Variants in BTBD9 observed in about 807,000 individuals in gnomAD.
BTBD9 encodes BTB domain containing 9, also known as BTB/POZ domain-containing protein 9.
Under a neutral mutation model 64.3 loss-of-function variants are expected in BTBD9, and 49 were observed. The ratio of observed to expected loss-of-function variants is 0.76; its 90% CI spans 0.61 to 0.97. The LOEUF (loss-of-function observed/expected upper bound fraction) is 0.97. Among genes scored for constraint, BTBD9 ranks in the 50% least tolerant of loss-of-function variants. BTBD9 has a pLI of 0.00. For synonymous variants in BTBD9, 260 were observed against 274.7 expected (o/e 0.95, Z 0.53); for missense variants, 598 against 762.1 (o/e 0.78, Z 2.53).
chr6:38,392,556 C>T (rs1040064774), intron 6 of BTBD9, among the ~76,000 whole-genome samples: 2 of 152,184 alleles, frequency 1.3e-5, no homozygotes, highest in Admixed American at 6.5e-5. Flanking sequence ...CATAAGCTAT[C>T]CCACTGAACC....
intron 9 of BTBD9, among the ~76,000 whole-genome samples, chr6:38,238,630 G>A (rs1385534062): frequency 6.6e-6 from 1 of 151,806 alleles, no homozygotes; most frequent in Non-Finnish European, 1.5e-5. Context: ...CCACCACCAC[G>A]CCCAGCTAAT....
rs577406875 is a variant in BTBD9 at position 38,638,036 on chromosome 6, G to A, written c.-28+1764C>T. Among the ~76,000 whole-genome samples, 7 of 152,244 alleles carry A rather than the reference G, an allele frequency of 4.6e-5. No homozygotes were observed. The South Asian group carries it at 1.5e-3, about 32-fold the overall frequency. On this transcript the variant is annotated intron_variant, in intron 1 of 10. Coordinates refer to ENST00000481247, the MANE Select transcript of BTBD9 (RefSeq NM_001099272.2). ...GCTCCAGTTACCAGACATAAAAGTC[G>A]TCTTGGTATATCCTCCAACAACCAA...
At chr6:38,414,146 C>T (rs1767561234) in intron 6 of BTBD9, among the ~76,000 whole-genome samples, 2 of 152,184 alleles carry the variant, frequency 1.3e-5, no homozygotes, top group African/African-American at 4.8e-5. Flanking sequence ...CTAAAAGAGA[C>T]TGAACTGACA....
At chr6:38,561,203 G>C (rs1775248307) in intron 6 of BTBD9, among the ~76,000 whole-genome samples, 2 of 152,158 alleles carry the variant, frequency 1.3e-5, no homozygotes, top group Admixed American at 6.5e-5. Context: ...CCCACTAGCA[G>C]TGTATAAGTG....
chr6:38,494,303 C>A (rs780875422), intron 6 of BTBD9, among the ~76,000 whole-genome samples: 1 of 152,108 alleles, frequency 6.6e-6, no homozygotes, highest in African/African-American at 2.4e-5. Flanking sequence ...TTTTCTATTG[C>A]CAAATTTCCC....
chr6:38,518,325 C>A (rs1773132270), intron 6 of BTBD9, among the ~76,000 whole-genome samples: 1 of 152,182 alleles, frequency 6.6e-6, no homozygotes, highest in Non-Finnish European at 1.5e-5. Flanking sequence ...AGGAGGAATG[C>A]CCTTTACAGG....
chr6:38,465,707 T>TATATATATA (rs1491184653), intron 6 of BTBD9, among the ~76,000 whole-genome samples: 2 of 46,862 alleles, frequency 4.3e-5, no homozygotes, highest in African/African-American at 1.9e-4. Flanking sequence ...AATAAATAAA[T>TATATATATA]TATATATATA....
At chr6:38,461,427 TA>T (rs1351701839) in intron 6 of BTBD9, among the ~76,000 whole-genome samples, 4 of 152,232 alleles carry the variant, frequency 2.6e-5, no homozygotes, top group African/African-American at 4.8e-5. Context: ...CAGTATGTAT[TA>T]TTTTTTGTTT....
chr6:38,328,974 G>A (rs1430242764), intron 7 of BTBD9, among the ~76,000 whole-genome samples: 1 of 54,272 alleles, frequency 1.8e-5, no homozygotes, highest in Non-Finnish European at 4.3e-5. Context: ...AAATATGTGT[G>A]TGTGTGTGTG....
At chr6:38,535,996 G>A (rs1180667430) in intron 6 of BTBD9, among the ~76,000 whole-genome samples, 1 of 151,976 alleles carries the variant, frequency 6.6e-6, no homozygotes, top group Non-Finnish European at 1.5e-5. Context: ...GGATAAATGG[G>A]ATCATATCAA....
chr6:38,533,854 C>T (rs560232840), intron 6 of BTBD9, among the ~76,000 whole-genome samples: 1 of 151,910 alleles, frequency 6.6e-6, no homozygotes, highest in African/African-American at 2.4e-5. Flanking sequence ...AATGAAAACA[C>T]AACATACCAA....
chr6:38,506,533 A>G (rs1772524968), intron 6 of BTBD9, among the ~76,000 whole-genome samples: 1 of 152,216 alleles, frequency 6.6e-6, no homozygotes. Flanking sequence ...GAAAAGATGA[A>G]AATTCAAAAG....
At chr6:38,410,651 C>T (rs1767383717) in intron 6 of BTBD9, among the ~76,000 whole-genome samples, 1 of 152,066 alleles carries the variant, frequency 6.6e-6, no homozygotes, top group South Asian at 2.1e-4. Flanking sequence ...CATGTAACAC[C>T]TATGAATTAA....
intron 1 of BTBD9, among the ~76,000 whole-genome samples, chr6:38,628,578 G>A (rs1778250473): frequency 6.6e-6 from 1 of 152,172 alleles, no homozygotes; most frequent in Middle Eastern, 3.2e-3. Context: ...CGCAGTGTAG[G>A]GTTGAAACTG....
At chr6:38,612,304 T>G (rs1777639264) in intron 1 of BTBD9, among the ~76,000 whole-genome samples, 1 of 152,204 alleles carries the variant, frequency 6.6e-6, no homozygotes, top group Non-Finnish European at 1.5e-5. Flanking sequence ...TCAACTAATA[T>G]TCAAGCCAAC....
chr6:38,321,493 C>T (rs980006844), intron 7 of BTBD9, among the ~76,000 whole-genome samples: 1 of 152,164 alleles, frequency 6.6e-6, no homozygotes, highest in Non-Finnish European at 1.5e-5. Context: ...AGCAGCCCAT[C>T]CATTCGGTGA....
At chr6:38,336,477 G>C (rs1763897029) in intron 7 of BTBD9, among the ~76,000 whole-genome samples, 1 of 152,282 alleles carries the variant, frequency 6.6e-6, no homozygotes, top group African/African-American at 2.4e-5. Flanking sequence ...GGCAGAAGGA[G>C]GGAGAAGTGC....
intron 7 of BTBD9, among the ~76,000 whole-genome samples, chr6:38,314,843 C>T (rs903178934): frequency 2.0e-5 from 3 of 151,978 alleles, no homozygotes; most frequent in Non-Finnish European, 4.4e-5. Context: ...GTATTCATCT[C>T]TGATTAATTA....
At chr6:38,332,511 T>C (rs1275350589) in intron 7 of BTBD9, among the ~76,000 whole-genome samples, 2 of 152,250 alleles carry the variant, frequency 1.3e-5, no homozygotes, top group Non-Finnish European at 2.9e-5. Flanking sequence ...TATCTACCAG[T>C]TTGTTCTTGC....
Sources: gnomAD v4.1 joint callset for allele counts (sites outside exome capture counted in the v4.1 genomes callset) on GRCh38, gnomAD v4.1.1 for gene constraint, MANE v1.5 for transcripts, NCBI Gene and HGNC (gene_info 2026-07-23, HGNC 2026-07-21) for gene names.